ASIC2: variants seen among roughly 807,000 people sequenced by gnomAD.
ASIC2 encodes the protein acid sensing ion channel subunit 2.
In ASIC2, 25 loss-of-function variants were observed where a neutral mutation model predicts 57.3. That is an observed-to-expected ratio of 0.44 (90% CI 0.32 to 0.61). ASIC2 has a LOEUF of 0.61. ASIC2 is among the 20% of genes least tolerant of loss of function. The pLI is 0.06. For missense variants in ASIC2, 641 were observed against 738.1 expected, an observed-to-expected ratio of 0.87 and a Z score of 1.52; for synonymous variants, 319 against 307.5, an observed-to-expected ratio of 1.04 and a Z score of -0.39.
chr17:34,058,089 G>A (rs1217883733), intron 1 of ASIC2, among the ~76,000 whole-genome samples: 1 of 152,156 alleles, frequency 6.6e-6, no homozygotes, highest in Admixed American at 6.5e-5. Context: ...AAGAAGACTT[G>A]TCACAGCTCC....
chr17:33,096,277 G>A (rs1381189517), intron 2 of ASIC2, among the ~76,000 whole-genome samples: 1 of 152,198 alleles, frequency 6.6e-6, no homozygotes, highest in African/African-American at 2.4e-5. Context: ...GAGCCTCACA[G>A]CAGTCCACAT....
At chr17:33,739,271 T>C (rs1278728045) in intron 1 of ASIC2, among the ~76,000 whole-genome samples, 2 of 152,188 alleles carry the variant, frequency 1.3e-5, no homozygotes, top group South Asian at 2.1e-4. Flanking sequence ...AAGTGATCCA[T>C]GGGTCAAACC....
At chr17:34,099,145 ACAGAGAGAGAGAGAGAG>A (rs1567820837) in intron 1 of ASIC2, among the ~76,000 whole-genome samples, 9 of 19,838 alleles carry the variant, frequency 4.5e-4, no homozygotes, top group African/African-American at 1.1e-3. Context: ...AGAGAGAGAG[ACAGAGAGAGAGAGAGAG>A]AGAAAGAAAG....
chr17:33,217,851 G>A (rs1373525919), intron 1 of ASIC2, among the ~76,000 whole-genome samples: 5 of 152,156 alleles, frequency 3.3e-5, no homozygotes, highest in Non-Finnish European at 5.9e-5. Flanking sequence ...CTTTCTCTGC[G>A]GAGACTTTTA....
intron 1 of ASIC2, among the ~76,000 whole-genome samples, chr17:33,182,250 G>A (rs1222264761): frequency 1.3e-5 from 2 of 152,084 alleles, no homozygotes; most frequent in East Asian, 1.9e-4. Flanking sequence ...AGTTGGATAT[G>A]GACTTTGTAA....
At chr17:33,514,967 C>T (rs1034807931) in intron 1 of ASIC2, among the ~76,000 whole-genome samples, 10 of 152,228 alleles carry the variant, frequency 6.6e-5, no homozygotes, top group African/African-American at 2.2e-4. Context: ...TGCCAAACTC[C>T]GTGCCAGCCC....
At chr17:33,862,107 G>A (rs929807468) in intron 1 of ASIC2, among the ~76,000 whole-genome samples, 1 of 152,192 alleles carries the variant, frequency 6.6e-6, no homozygotes, top group African/African-American at 2.4e-5. Context: ...TACTGTTCCT[G>A]TATTCTCTGC....
At chr17:33,588,922 C>G (rs1904733748) in intron 1 of ASIC2, among the ~76,000 whole-genome samples, 1 of 152,192 alleles carries the variant, frequency 6.6e-6, no homozygotes, top group Admixed American at 6.5e-5. Flanking sequence ...AATTCACTTG[C>G]TGTGTGGCCC....
At chr17:33,409,967 A>C (rs1032652123) in intron 1 of ASIC2, among the ~76,000 whole-genome samples, 15 of 152,232 alleles carry the variant, frequency 9.9e-5, no homozygotes, top group African/African-American at 3.4e-4. Flanking sequence ...AGCTCAGGGC[A>C]GCTCATTCTG....
intron 1 of ASIC2, among the ~76,000 whole-genome samples, chr17:33,762,780 A>G (rs946686823): frequency 6.6e-6 from 1 of 152,194 alleles, no homozygotes; most frequent in Non-Finnish European, 1.5e-5. Context: ...GTCCCATGTT[A>G]GAGCAGCCAT....
chr17:33,201,366 G>C (rs183048835), intron 1 of ASIC2, among the ~76,000 whole-genome samples: 5 of 152,268 alleles, frequency 3.3e-5, no homozygotes, highest in East Asian at 3.9e-4. Context: ...TGGGACTGAG[G>C]GGGAGGTGGG....
At chr17:33,891,438 T>C (rs1166292363) in intron 1 of ASIC2, among the ~76,000 whole-genome samples, 2 of 152,164 alleles carry the variant, frequency 1.3e-5, no homozygotes, top group Admixed American at 6.5e-5. Context: ...CGGCCTACTA[T>C]AAGAAAAGAT....
intron 1 of ASIC2, among the ~76,000 whole-genome samples, chr17:33,485,960 T>G (rs1913562046): frequency 6.6e-6 from 1 of 152,206 alleles, no homozygotes; most frequent in Admixed American, 6.5e-5. Context: ...AGGGGGCACA[T>G]GCCCCTTCCT....
At chr17:33,729,640 A>G (rs1157343856) in intron 1 of ASIC2, among the ~76,000 whole-genome samples, 1 of 152,202 alleles carries the variant, frequency 6.6e-6, no homozygotes, top group Non-Finnish European at 1.5e-5. Flanking sequence ...TGATCTGGGC[A>G]AATTCCTTAA....
At chr17:33,791,195 C>T (rs1911759346) in intron 1 of ASIC2, among the ~76,000 whole-genome samples, 1 of 152,208 alleles carries the variant, frequency 6.6e-6, no homozygotes, top group African/African-American at 2.4e-5. Flanking sequence ...GTCATAGTCA[C>T]TCTGTGTGGA....
At chr17:33,676,111 G>C (rs1907810000) in intron 1 of ASIC2, among the ~76,000 whole-genome samples, 3 of 152,036 alleles carry the variant, frequency 2.0e-5, no homozygotes, top group African/African-American at 7.2e-5. Flanking sequence ...AGTTGTTTTG[G>C]GGCACCATGA....
intron 1 of ASIC2, among the ~76,000 whole-genome samples, chr17:34,051,027 A>C (rs1784888574): frequency 6.6e-6 from 1 of 152,174 alleles, no homozygotes; most frequent in African/African-American, 2.4e-5. Context: ...GCTGATCTGG[A>C]GAAAGAAACA....
At chr17:33,284,466 C>T (rs1362877971) in intron 1 of ASIC2, among the ~76,000 whole-genome samples, 1 of 152,174 alleles carries the variant, frequency 6.6e-6, no homozygotes, top group African/African-American at 2.4e-5. Flanking sequence ...AAATTCATTA[C>T]TGATCTTGTC....
At chr17:33,503,974 A>G (rs1400334922) in intron 1 of ASIC2, among the ~76,000 whole-genome samples, 1 of 152,228 alleles carries the variant, frequency 6.6e-6, no homozygotes, top group Non-Finnish European at 1.5e-5. Context: ...AGAATGGGGA[A>G]GGGGCAAATG....
Sources: allele counts gnomAD v4.1 joint callset (sites outside exome capture counted in the v4.1 genomes callset), GRCh38; gene constraint gnomAD v4.1.1; transcripts MANE v1.5; gene names NCBI Gene and HGNC (gene_info 2026-07-23, HGNC 2026-07-21).